Variants in EFTUD2 observed in about 807,000 individuals in gnomAD.
EFTUD2 encodes 116 kDa U5 small nuclear ribonucleoprotein component.
Under a neutral mutation model 114.3 loss-of-function variants are expected in EFTUD2, and 9 were observed. That is an observed-to-expected ratio of 0.08 (90% CI 0.05 to 0.14). The LOEUF is 0.14. EFTUD2 is among the 10% of genes least tolerant of loss of function. The pLI, the probability that EFTUD2 is intolerant of heterozygous loss-of-function variation, is 1.00. For synonymous variants in EFTUD2, 449 were observed against 462.3 expected, an observed-to-expected ratio of 0.97 and a Z score of 0.37; for missense variants, 765 against 1,241.2, an observed-to-expected ratio of 0.62 and a Z score of 5.76.
intron 1 of EFTUD2, among the ~76,000 whole-genome samples, chr17:44,896,231 T>G (rs2051382182): frequency 6.6e-6 from 1 of 152,240 alleles, no homozygotes; most frequent in Non-Finnish European, 1.5e-5. Flanking sequence ...TTACTGAAAT[T>G]CTATTCAAAG....
chr17:44,882,549 C>G (rs574773223), intron 6 of EFTUD2, among the ~76,000 whole-genome samples: 1 of 152,362 alleles, frequency 6.6e-6, no homozygotes, highest in South Asian at 2.1e-4. Context: ...AGCCACCACT[C>G]TTTTTGAGTT....
At chr17:44,884,597 A>C (rs971468535) in intron 4 of EFTUD2, among the ~76,000 whole-genome samples, 1 of 152,080 alleles carries the variant, frequency 6.6e-6, no homozygotes, top group Non-Finnish European at 1.5e-5. Context: ...TCCTTTTCAA[A>C]ATAAAGAGTT....
At chr17:44,884,884 C>G (rs1300097637) in intron 4 of EFTUD2, among the ~76,000 whole-genome samples, 1 of 152,132 alleles carries the variant, frequency 6.6e-6, no homozygotes, top group Non-Finnish European at 1.5e-5. Flanking sequence ...GAGACCTTGT[C>G]TCAAAATAAC....
chr17:44,867,724 G>C, intron 13 of EFTUD2, 83 bp downstream of exon 13: 4 of 1,247,788 alleles, frequency 3.2e-6, no homozygotes, highest in Non-Finnish European at 4.3e-6. Flanking sequence ...CAGGTTTAGG[G>C]ACAGAGGGAA....
intron 5 of EFTUD2, 108 bp downstream of exon 5, chr17:44,883,541 G>C: frequency 9.6e-7 from 1 of 1,040,176 alleles, no homozygotes. Flanking sequence ...CTAGTCAGGA[G>C]GTTGAGCCTT....
At chr17:44,866,644 G>A (rs1313663955) in intron 13 of EFTUD2, among the ~76,000 whole-genome samples, 2 of 152,036 alleles carry the variant, frequency 1.3e-5, no homozygotes, top group Non-Finnish European at 2.9e-5. Flanking sequence ...CTCCCAAAGC[G>A]TCTGGATTAC....
At chr17:44,873,835 C>A (rs2050898174) in intron 10 of EFTUD2, among the ~76,000 whole-genome samples, 1 of 151,038 alleles carries the variant, frequency 6.6e-6, no homozygotes, top group Non-Finnish European at 1.5e-5. Flanking sequence ...GGGTTCACGC[C>A]ATTCTCCTGC....
At chr17:44,868,173 T>TAA (rs879181467) in intron 12 of EFTUD2, 114 bp downstream of exon 12, 11,852 of 807,674 alleles carry the variant, frequency 0.015, 2 homozygotes, top group Non-Finnish European at 0.017. Context: ...TAGTTTACAT[T>TAA]AAAAAAAAAA....
At chr17:44,857,180 C>T in intron 19 of EFTUD2, 23 bp from the exon 20 acceptor site, 1 of 1,609,418 alleles carries the variant, frequency 6.2e-7, no homozygotes, top group Non-Finnish European at 8.5e-7. Flanking sequence ...AAATAAATTA[C>T]TGAAGCGAGG....
At chr17:44,883,587 C>CTAAA (rs2051111986) in intron 5 of EFTUD2, 62 bp downstream of exon 5, 1 of 1,512,018 alleles carries the variant, frequency 6.6e-7, no homozygotes. Flanking sequence ...ACTCTAAGGG[C>CTAAA]TAAAACATGA....
Position 44,850,316 on chromosome 17 carries a change from CTT to C in EFTUD2, c.*956_*957del, listed in dbSNP as rs1355412642. The C allele has an allele frequency of 3.1e-6, 5 of 1,607,078 alleles. No homozygotes were observed. The highest frequency in any genetic ancestry group is 2.7e-5 in the African/African-American group (2 of 74,866). ...GGTTTGATGCCAAGGGGCATTATTT[CTT>C]TTCTCTCACACAGGTGCTGTGTACA... is the stretch of plus-strand genomic sequence containing the variant. On this transcript the variant is annotated 3_prime_UTR_variant, in exon 28 of 28. Coordinates refer to ENST00000426333, the MANE Select transcript of EFTUD2 (RefSeq NM_004247.4).
chr17:44,856,007 G>A (rs1426404095), intron 20 of EFTUD2, among the ~76,000 whole-genome samples: 2 of 150,682 alleles, frequency 1.3e-5, no homozygotes, highest in African/African-American at 4.9e-5. Context: ...CACACCTGTA[G>A]TCCCAGCTAC....
At chr17:44,859,406 G>A in intron 18 of EFTUD2, 1 of 581,292 alleles carries the variant, frequency 1.7e-6, no homozygotes, top group South Asian at 2.0e-5. Flanking sequence ...TGAAGTCAAT[G>A]ATTTAATTCC....
rs56061445 is a variant in EFTUD2, at chr17:44,877,003, C to T, written c.703-903G>A. ...GAAGCCAGAAGTTCAAGACCATCCC[C>T]GGCAACAGAGCGAGACCCCATCTCT... On this transcript the variant is annotated intron_variant, in intron 9 of 27. Coordinates refer to ENST00000426333, the MANE Select transcript of EFTUD2 (RefSeq NM_004247.4). 6.7e-3 allele frequency among the ~76,000 whole-genome samples: 1,011 copies of T among 151,710 alleles called. 11 individuals carry two copies. The highest frequency in any genetic ancestry group is 0.023 in the African/African-American group (950 of 41,358).
intron 5 of EFTUD2, 77 bp from the exon 6 acceptor site, chr17:44,883,235 A>C (rs1180966141): frequency 1.3e-5 from 17 of 1,352,608 alleles, no homozygotes; most frequent in African/African-American, 2.9e-5. Context: ...CTCCCAATAC[A>C]CCACATAATT....
At chr17:44,894,321 G>C (rs866707414) in intron 2 of EFTUD2, 96 bp downstream of exon 2, 1 of 1,019,030 alleles carries the variant, frequency 9.8e-7, no homozygotes. Context: ...AGTGAGCTGA[G>C]ATTGCGCCAC....
rs1381259201 is a variant in EFTUD2 at position 44,891,491 on chromosome 17, T to C, written c.105+2926A>G. ...CAGTCTCCTGAGTAGCTGTGACTAC[T>C]GGCATGTACCACCATGCTTGGCTAA... is the stretch of plus-strand genomic sequence containing the variant. On this transcript the variant is annotated intron_variant, in intron 2 of 27. Coordinates refer to ENST00000426333, the MANE Select transcript of EFTUD2 (RefSeq NM_004247.4). 2.6e-5 allele frequency among the ~76,000 whole-genome samples: 4 copies of C among 152,216 alleles called. No homozygotes were observed. The South Asian group carries it at 6.2e-4, about 24-fold the overall frequency.
At chr17:44,868,018 TAA>T in intron 12 of EFTUD2, 121 bp from the exon 13 acceptor site, 1 of 1,041,560 alleles carries the variant, frequency 9.6e-7, no homozygotes, top group South Asian at 1.8e-5. Context: ...TGTGTGACTG[TAA>T]AGTTTCCAGA....
At chr17:44,871,837 C>CA (rs1397164894) in intron 11 of EFTUD2, among the ~76,000 whole-genome samples, 1 of 152,206 alleles carries the variant, frequency 6.6e-6, no homozygotes, top group Non-Finnish European at 1.5e-5. Flanking sequence ...GGAACTGCAA[C>CA]ATTGAACACA....
Sources: gnomAD v4.1 joint callset for allele counts (sites outside exome capture counted in the v4.1 genomes callset) on GRCh38, gnomAD v4.1.1 for gene constraint, MANE v1.5 for transcripts, NCBI Gene and HGNC (gene_info 2026-07-23, HGNC 2026-07-21) for gene names.